Variants in SCAPER observed in about 807,000 individuals in gnomAD.
The protein encoded by SCAPER is S-phase cyclin A associated protein in the ER.
Under a neutral mutation model 182.2 loss-of-function variants are expected in SCAPER, and 98 were observed. The observed-to-expected ratio is 0.54, with a 90% CI of 0.46 to 0.64. The LOEUF is 0.64. Ranked by LOEUF, SCAPER falls within the 30% of genes least tolerant of loss-of-function variation. The pLI is 0.00. For synonymous variants in SCAPER, 605 were observed against 564.6 expected (o/e 1.07, Z -1.01); for missense variants, 1,432 against 1,690.0 (o/e 0.85, Z 2.68).
At chr15:76,432,559 C>G (rs1384431840) in intron 26 of SCAPER, among the ~76,000 whole-genome samples, 5 of 152,132 alleles carry the variant, frequency 3.3e-5, no homozygotes, top group Admixed American at 3.3e-4. Context: ...ATTTGGGGAG[C>G]CAGAGATCAG....
At chr15:76,562,487 G>T (rs1468834149) in intron 23 of SCAPER, among the ~76,000 whole-genome samples, 1 of 152,096 alleles carries the variant, frequency 6.6e-6, no homozygotes, top group African/African-American at 2.4e-5. Context: ...TGTCACAAAA[G>T]AAGAAACCCA....
At chr15:76,623,683 T>C (rs1481462569) in intron 21 of SCAPER, among the ~76,000 whole-genome samples, 1 of 152,218 alleles carries the variant, frequency 6.6e-6, no homozygotes, top group Non-Finnish European at 1.5e-5. Flanking sequence ...GGTAATGTGA[T>C]GCCTCCCATT....
intron 5 of SCAPER, among the ~76,000 whole-genome samples, chr15:76,824,198 GAAC>G (rs879904475): frequency 1.3e-5 from 2 of 152,198 alleles, no homozygotes; most frequent in Non-Finnish European, 2.9e-5. Context: ...GGATGAAACA[GAAC>G]AAAAGTGGCT....
At chr15:76,639,550 T>C (rs893559875) in intron 21 of SCAPER, among the ~76,000 whole-genome samples, 1 of 152,162 alleles carries the variant, frequency 6.6e-6, no homozygotes, top group African/African-American at 2.4e-5. Flanking sequence ...ACTTGTCACC[T>C]TGAAAACTAA....
chr15:76,788,113 T>C (rs2064746359), intron 8 of SCAPER, among the ~76,000 whole-genome samples: 1 of 152,124 alleles, frequency 6.6e-6, no homozygotes, highest in African/African-American at 2.4e-5. Context: ...GAAATGCAAA[T>C]TAAAACCACA....
intron 22 of SCAPER, among the ~76,000 whole-genome samples, chr15:76,615,237 G>T (rs771224637): frequency 2.6e-5 from 4 of 151,766 alleles, no homozygotes; most frequent in Non-Finnish European, 5.9e-5. Context: ...TTGAGCCCAG[G>T]AGTTCAAAAG....
chr15:76,827,148 T>C (rs1175377527), intron 5 of SCAPER, among the ~76,000 whole-genome samples: 2 of 152,218 alleles, frequency 1.3e-5, no homozygotes, highest in Non-Finnish European at 2.9e-5. Flanking sequence ...AAATGTCCAC[T>C]TCCCAACATC....
At chr15:76,733,151 A>G in intron 16 of SCAPER, 78 bp downstream of exon 16, 1 of 1,363,956 alleles carries the variant, frequency 7.3e-7, no homozygotes. Flanking sequence ...GGGGAGAAAA[A>G]CCCACCGACC....
At chr15:76,696,619 T>A (rs570616911) in intron 20 of SCAPER, among the ~76,000 whole-genome samples, 1 of 152,146 alleles carries the variant, frequency 6.6e-6, no homozygotes, top group Non-Finnish European at 1.5e-5. Context: ...TTCTACATGC[T>A]TGCTACATGC....
chr15:76,632,351 G>A (rs1052275938), intron 21 of SCAPER, among the ~76,000 whole-genome samples: 3 of 151,842 alleles, frequency 2.0e-5, no homozygotes, highest in Admixed American at 6.6e-5. Flanking sequence ...CATCAAGCCC[G>A]GCTTTCTTTT....
intron 21 of SCAPER, among the ~76,000 whole-genome samples, chr15:76,656,019 C>T (rs946099668): frequency 1.3e-5 from 2 of 152,126 alleles, no homozygotes; most frequent in Non-Finnish European, 2.9e-5. Flanking sequence ...GCATAATAAC[C>T]AGCTAACAAC....
At chr15:76,893,450 C>A (rs115006309) in intron 1 of SCAPER, among the ~76,000 whole-genome samples, 33 of 151,828 alleles carry the variant, frequency 2.2e-4, no homozygotes, top group African/African-American at 7.7e-4. Context: ...GAAAAAGAGA[C>A]AGCAATACAT....
At chr15:76,567,124 C>T (rs1461528316) in intron 23 of SCAPER, 7 of 234,056 alleles carry the variant, frequency 3.0e-5, no homozygotes, top group Non-Finnish European at 6.0e-5. Context: ...TTTTCTTGAA[C>T]TTTATATGAC....
At chr15:76,573,835 A>G (rs1461933862) in intron 23 of SCAPER, among the ~76,000 whole-genome samples, 3 of 152,132 alleles carry the variant, frequency 2.0e-5, no homozygotes, top group Non-Finnish European at 4.4e-5. Flanking sequence ...TTATAATTCA[A>G]AGTTTTCTAT....
chr15:76,462,009 AT>A (rs2049224467), intron 25 of SCAPER, among the ~76,000 whole-genome samples: 2 of 152,190 alleles, frequency 1.3e-5, no homozygotes, highest in African/African-American at 2.4e-5. Flanking sequence ...TCATGCAGGT[AT>A]TTGTAAATAC....
At chr15:76,787,115 C>T (rs936226673) in intron 8 of SCAPER, among the ~76,000 whole-genome samples, 69 of 152,224 alleles carry the variant, frequency 4.5e-4, no homozygotes, top group African/African-American at 1.6e-3. Context: ...CTCCCAGTAA[C>T]ATTTTTGATG....
chr15:76,521,265 A>G (rs957851486), intron 23 of SCAPER, among the ~76,000 whole-genome samples: 2 of 152,172 alleles, frequency 1.3e-5, no homozygotes, highest in Admixed American at 1.3e-4. Context: ...GGTATATTTT[A>G]TAACTCACTG....
chr15:76,442,536 G>T (rs759593764), intron 25 of SCAPER, among the ~76,000 whole-genome samples: 1 of 152,170 alleles, frequency 6.6e-6, no homozygotes, highest in Non-Finnish European at 1.5e-5. Context: ...TGAGTATCCA[G>T]TTCCTTATGT....
At chr15:76,717,380 G>C (rs1020685546) in intron 17 of SCAPER, among the ~76,000 whole-genome samples, 4 of 152,078 alleles carry the variant, frequency 2.6e-5, no homozygotes, top group African/African-American at 9.7e-5. Context: ...AGTCAAATCA[G>C]AATACTTCGA....
Sources: gnomAD v4.1 joint callset for allele counts (sites outside exome capture counted in the v4.1 genomes callset) on GRCh38, gnomAD v4.1.1 for gene constraint, MANE v1.5 for transcripts, NCBI Gene and HGNC (gene_info 2026-07-23, HGNC 2026-07-21) for gene names.